The following ALOX5AP variants were observed in gnomAD, a reference collection of about 807,000 sequenced individuals.
ALOX5AP encodes the protein arachidonate 5-lipoxygenase-activating protein.
A neutral mutation model predicts 18.5 loss-of-function variants in ALOX5AP; 9 were observed. The observed-to-expected ratio is 0.49, with a 90% CI of 0.29 to 0.85. The LOEUF (loss-of-function observed/expected upper bound fraction) is 0.85, where lower values mean the gene tolerates loss of function less well. Ranked by LOEUF, ALOX5AP falls within the 40% of genes least tolerant of loss-of-function variation. ALOX5AP has a pLI of 0.08. For synonymous variants in ALOX5AP, 81 were observed against 78.6 expected (o/e 1.03, Z -0.16); for missense variants, 172 against 202.5 (o/e 0.85, Z 0.91).
intron 1 of ALOX5AP, among the ~76,000 whole-genome samples, chr13:30,729,722 G>C (rs1321320961): frequency 6.6e-6 from 1 of 152,076 alleles, no homozygotes; most frequent in Non-Finnish European, 1.5e-5. Context: ...GATTGTAGGC[G>C]TGCACCACTA....
At chr13:30,740,236 ACT>A (rs1214468686) in intron 1 of ALOX5AP, among the ~76,000 whole-genome samples, 3 of 152,102 alleles carry the variant, frequency 2.0e-5, no homozygotes, top group Non-Finnish European at 2.9e-5. Context: ...GTCATTGCTG[ACT>A]CATATTAACT....
At chr13:30,719,862 A>G (rs1377063905) in intron 1 of ALOX5AP, among the ~76,000 whole-genome samples, 2 of 150,978 alleles carry the variant, frequency 1.3e-5, no homozygotes, top group East Asian at 1.9e-4. Flanking sequence ...TTCCCAGAGG[A>G]TAATTTTTTT....
chr13:30,739,794 GA>G (rs1490593037), intron 1 of ALOX5AP, among the ~76,000 whole-genome samples: 5 of 152,326 alleles, frequency 3.3e-5, no homozygotes, highest in African/African-American at 1.2e-4. Context: ...GAATTTGGTT[GA>G]AAGTCCCAAG....
intron 1 of ALOX5AP, among the ~76,000 whole-genome samples, chr13:30,718,698 T>A (rs1951569494): frequency 6.6e-6 from 1 of 152,150 alleles, no homozygotes; most frequent in African/African-American, 2.4e-5. Context: ...AAACATGGGG[T>A]TTACACTGGA....
intron 2 of ALOX5AP, among the ~76,000 whole-genome samples, chr13:30,747,324 A>G (rs538288386): frequency 6.6e-6 from 1 of 152,268 alleles, no homozygotes; most frequent in South Asian, 2.1e-4. Flanking sequence ...TTATAGGCAC[A>G]TGCCCCCATG....
At chr13:30,716,920 C>T (rs1037737619) in intron 1 of ALOX5AP, among the ~76,000 whole-genome samples, 5 of 152,234 alleles carry the variant, frequency 3.3e-5, no homozygotes, top group Non-Finnish European at 7.3e-5. Flanking sequence ...CGGTCCTCTC[C>T]CGTGGAGTCA....
At chr13:30,758,252 G>A (rs984277763) in intron 4 of ALOX5AP, among the ~76,000 whole-genome samples, 21 of 152,286 alleles carry the variant, frequency 1.4e-4, no homozygotes, top group Admixed American at 2.6e-4. Flanking sequence ...CAACCCTGCC[G>A]TCTAGAAGCT....
upstream of ALOX5AP, among the ~76,000 whole-genome samples, chr13:30,731,665 G>A (rs1951681574): frequency 6.6e-6 from 1 of 152,170 alleles, no homozygotes; most frequent in Non-Finnish European, 1.5e-5. Context: ...CACGGTGCCA[G>A]GCCCTTGACC....
intron 1 of ALOX5AP, 96 bp from the exon 2 acceptor site, chr13:30,743,959 GGTCAA>G: frequency 1.1e-6 from 1 of 935,998 alleles, no homozygotes; most frequent in African/African-American, 1.6e-5. Context: ...GTTGCTTGGA[GGTCAA>G]GTCAAGGAGG....
At chr13:30,756,893 A>T (rs553698435) in intron 4 of ALOX5AP, among the ~76,000 whole-genome samples, 5 of 150,882 alleles carry the variant, frequency 3.3e-5, no homozygotes, top group African/African-American at 1.2e-4. Flanking sequence ...CATTGTTTAT[A>T]GATGTTGCCA....
chr13:30,746,563 G>T (rs1951810956), intron 2 of ALOX5AP, among the ~76,000 whole-genome samples: 1 of 152,268 alleles, frequency 6.6e-6, no homozygotes, highest in South Asian at 2.1e-4. Flanking sequence ...AAAAGCCAGA[G>T]GCAGCTGGTC....
chr13:30,716,938 C>T (rs890893546), intron 1 of ALOX5AP, among the ~76,000 whole-genome samples: 3 of 152,258 alleles, frequency 2.0e-5, no homozygotes, highest in Non-Finnish European at 4.4e-5. Flanking sequence ...TCACGGACAG[C>T]GCCACTCTCC....
intron 2 of ALOX5AP, among the ~76,000 whole-genome samples, chr13:30,750,755 G>C (rs926842154): frequency 6.6e-6 from 1 of 152,228 alleles, no homozygotes; most frequent in Non-Finnish European, 1.5e-5. Flanking sequence ...TTAAAATAAA[G>C]AGATTATCCT....
intron 4 of ALOX5AP, among the ~76,000 whole-genome samples, chr13:30,759,120 G>T (rs1951920230): frequency 6.6e-6 from 1 of 152,114 alleles, no homozygotes; most frequent in Non-Finnish European, 1.5e-5. Context: ...ATGATGCCCA[G>T]CCTGAATCTT....
chr13:30,760,747 G>GC (rs933309618), intron 4 of ALOX5AP, among the ~76,000 whole-genome samples: 3 of 152,084 alleles, frequency 2.0e-5, no homozygotes, highest in African/African-American at 7.2e-5. Context: ...TTTACAATAC[G>GC]CCCCCATAGG....
intron 1 of ALOX5AP, among the ~76,000 whole-genome samples, chr13:30,739,485 A>C (rs1803586014): frequency 6.6e-6 from 1 of 152,252 alleles, no homozygotes; most frequent in African/African-American, 2.4e-5. Context: ...CCCAGGCTGG[A>C]GTGCAGTAGC....
chr13:30,719,711 A>T (rs1319308870), intron 1 of ALOX5AP, among the ~76,000 whole-genome samples: 1 of 152,186 alleles, frequency 6.6e-6, no homozygotes, highest in Non-Finnish European at 1.5e-5. Context: ...AAGTGAGACG[A>T]TGGACAAGTT....
chr13:30,743,517 G>A (rs1360970831), intron 1 of ALOX5AP, among the ~76,000 whole-genome samples: 1 of 151,894 alleles, frequency 6.6e-6, no homozygotes, highest in Non-Finnish European at 1.5e-5. Flanking sequence ...CCTCCCCAGT[G>A]CCCTCCATTC....
rs149203520 is a variant in ALOX5AP, at chr13:30,742,176, C to T, written c.71-1884C>T. On this transcript the variant is annotated intron_variant, in intron 1 of 4. Coordinates refer to ENST00000380490, the MANE Select transcript of ALOX5AP (RefSeq NM_001629.4). ...ACTAAAAATACAAAAATTAGCCGGG[C>T]GTGATGACGCATGCCTGTAGTCCCA... Among the ~76,000 whole-genome samples the T allele has an allele frequency of 5.0e-3, 756 of 151,978 alleles. 6 individuals are homozygous for T. Among genetic ancestry groups the T allele is most frequent in the African/African-American group, 0.017 (700 of 41,454 alleles).
Sources: gnomAD v4.1 joint callset for allele counts (sites outside exome capture counted in the v4.1 genomes callset) on GRCh38, gnomAD v4.1.1 for gene constraint, MANE v1.5 for transcripts, NCBI Gene and HGNC (gene_info 2026-07-23, HGNC 2026-07-21) for gene names.